Variants in USP7 observed in about 807,000 individuals in gnomAD.
USP7 encodes ubiquitin C-terminal hydrolase 7.
In USP7, 9 loss-of-function variants were observed where a neutral mutation model predicts 162.9. That is an observed-to-expected ratio of 0.06 (90% CI 0.03 to 0.10). The LOEUF (loss-of-function observed/expected upper bound fraction) is 0.10, where lower values mean the gene tolerates loss of function less well. USP7 is among the 10% of genes least tolerant of loss of function. The pLI is 1.00. For missense variants in USP7, 715 were observed against 1,373.7 expected, an observed-to-expected ratio of 0.52 and a Z score of 7.58; for synonymous variants, 562 against 475.9, an observed-to-expected ratio of 1.18 and a Z score of -2.35.
intron 5 of USP7, among the ~76,000 whole-genome samples, chr16:8,919,935 C>A (rs1897594119): frequency 6.6e-6 from 1 of 152,194 alleles, no homozygotes; most frequent in Admixed American, 6.5e-5. Flanking sequence ...CCTCTTTACT[C>A]CTCGCTCACC....
Position 8,929,413 on chromosome 16 carries a change from C to T in USP7, c.184+880G>A, listed in dbSNP as rs1175776857. The T allele has an allele frequency of 4.4e-5, 20 of 451,518 alleles. No homozygotes were observed. In the Admixed American group the frequency reaches 4.7e-4, roughly 11 times the overall value. 28.0% of individuals were successfully genotyped at this position (451,518 alleles called of 1,614,324 possible). A position where few individuals can be genotyped will look rare whatever the true frequency, so the allele number is the denominator to read the frequency against. On this transcript the variant is annotated intron_variant, in intron 2 of 30. Transcript: ENST00000344836. Reference sequence around the variant, plus strand: ...AGCCAGCTGCCAGGGGTAAACCGCACTGTGAGAGAACTCTCAACTACGGCT... The same window carrying T: ...AGCCAGCTGCCAGGGGTAAACCGCATTGTGAGAGAACTCTCAACTACGGCT...
In USP7 at chr16:8,959,159, T is replaced by C. The variant is rs553624216; in HGVS notation, c.79+4048A>G. 6.1e-4 allele frequency among the ~76,000 whole-genome samples: 93 copies of C among 152,298 alleles called. 1 individual carries two copies. The South Asian group carries it at 0.019, about 31-fold the overall frequency. ...TCACAACAACCTTGACGGGCATGAATGACCTCCTTTAAGGGATGGAGAAAC... is the reference window on the plus strand; with the variant it reads ...TCACAACAACCTTGACGGGCATGAACGACCTCCTTTAAGGGATGGAGAAAC... On this transcript the variant is annotated intron_variant, in intron 1 of 30. Transcript: ENST00000344836.
At chr16:8,925,950 C>G (rs1399694719) in intron 2 of USP7, among the ~76,000 whole-genome samples, 1 of 148,386 alleles carries the variant, frequency 6.7e-6, no homozygotes, top group Non-Finnish European at 1.5e-5. Flanking sequence ...GTCAGGAGAT[C>G]GAGACCATCC....
At chr16:8,916,831 A>G (rs954437695) in intron 7 of USP7, among the ~76,000 whole-genome samples, 195 bp downstream of exon 7, 1 of 152,232 alleles carries the variant, frequency 6.6e-6, no homozygotes, top group Admixed American at 6.5e-5. Flanking sequence ...GCAAAATTCT[A>G]CAACAAAGTG....
rs368803400 is a variant in USP7, at chr16:8,910,722, C to T, written c.1161+23G>A. On this transcript the variant is annotated intron_variant, in intron 11 of 30. Coordinates refer to ENST00000344836, the MANE Select transcript of USP7 (RefSeq NM_003470.3). ...TAAAGAAGAACGCTACAACAGGACA[C>T]TAGCACAAAACACTCAATTTACCTG... 5 of 1,607,722 alleles carry T rather than the reference C, an allele frequency of 3.1e-6. No homozygotes were observed. In the South Asian group the frequency reaches 3.3e-5, roughly 11 times the overall value.
At position 8,903,421 on chromosome 16, in the gene USP7, G is replaced by T; in HGVS notation, c.1705-19C>A. The stretch of plus-strand genomic sequence containing the variant: ...CGACTATCTGAAAATATGTATGAAA[G>T]CACAGAAAAGACTTGACAACTGACA... On this transcript the variant is annotated intron_variant, in intron 15 of 30. Transcript: ENST00000344836. 1 of 1,609,002 alleles carries T rather than the reference G, an allele frequency of 6.2e-7. No individual in the cohort carries two copies. Among genetic ancestry groups the T allele is most frequent in the Non-Finnish European group, 8.5e-7 (1 of 1,176,586 alleles).
chr16:8,912,798 G>A (rs551006544), intron 10 of USP7, among the ~76,000 whole-genome samples: 1 of 149,708 alleles, frequency 6.7e-6, no homozygotes, highest in East Asian at 2.0e-4. Context: ...AGAAAAAAAA[G>A]AAGAGATAAA....
chr16:8,901,658 T>G (rs1444184385), intron 18 of USP7, among the ~76,000 whole-genome samples: 1 of 152,220 alleles, frequency 6.6e-6, no homozygotes, highest in Non-Finnish European at 1.5e-5. Flanking sequence ...CCGATCCACC[T>G]GTTTTGTCGA....
In USP7 at chr16:8,929,886, TATC is replaced by T. The variant is rs201611793; in HGVS notation, c.184+404_184+406del. Among the ~76,000 whole-genome samples the T allele has an allele frequency of 4.5e-3, 688 of 152,284 alleles. 5 individuals carry two copies. Among genetic ancestry groups the T allele is most frequent in the African/African-American group, 0.016 (654 of 41,558 alleles). On this transcript the variant is annotated intron_variant, in intron 2 of 30. Coordinates refer to ENST00000344836, the MANE Select transcript of USP7 (RefSeq NM_003470.3). ...ACAGGAGCGGGGAGGGATTCATAGC[TATC>T]ATCAACTGATATACACCCTGCAATG...
rs757948670 is a variant in USP7 at position 8,903,297 on chromosome 16, C to T, written c.1810G>A (p.Glu604Lys). The T allele has an allele frequency of 6.8e-6, 11 of 1,614,040 alleles. No homozygotes were observed. The highest frequency in any genetic ancestry group is 9.3e-6 in the Non-Finnish European group (11 of 1,179,956). ...FKVLKNSSLAEFVQSLSQTMG... is the reference protein window; with the variant it reads ...FKVLKNSSLAKFVQSLSQTMG... ...GTCTGAGAGAGGCTCTGAACAAACT[C>T]AGCAAGCGAGGAGTTCTTCAATACT... Residue 604 changes from glutamate to lysine, a missense_variant, in exon 16 of 31, where the codon GAG (glutamate) becomes AAG (lysine). This residue lies in a region of USP7 where 197 missense variants were observed against 306.5 expected (regional missense o/e 0.64). Transcript: ENST00000344836.
intron 6 of USP7, among the ~76,000 whole-genome samples, chr16:8,918,044 C>G (rs1017197273): frequency 2.0e-5 from 3 of 152,130 alleles, no homozygotes; most frequent in Non-Finnish European, 4.4e-5. Context: ...CCCGCCTCGG[C>G]CTCCCAAAGT....
At chr16:8,905,060 T>A in intron 14 of USP7, 127 bp downstream of exon 14, 1 of 1,191,070 alleles carries the variant, frequency 8.4e-7, no homozygotes, top group South Asian at 1.4e-5. Context: ...TGCTCATTTC[T>A]GCGCTGCTGT....
intron 1 of USP7, among the ~76,000 whole-genome samples, chr16:8,941,712 C>T (rs1037611063): frequency 2.0e-4 from 30 of 152,148 alleles, no homozygotes; most frequent in Non-Finnish European, 4.0e-4. Flanking sequence ...ACGGGCAGAG[C>T]CAGGATCAGC....
intron 1 of USP7, among the ~76,000 whole-genome samples, chr16:8,950,751 G>A (rs937803139): frequency 3.3e-4 from 51 of 152,292 alleles, no homozygotes; most frequent in African/African-American, 9.9e-4. Context: ...TCCCACTGGC[G>A]AGGGACCCAA....
intron 1 of USP7, among the ~76,000 whole-genome samples, chr16:8,949,223 G>A (rs1204320115): frequency 6.6e-6 from 1 of 152,200 alleles, no homozygotes; most frequent in Non-Finnish European, 1.5e-5. Context: ...AAAAAGCACA[G>A]ATGCAAATCT....
rs955461040 is a variant in USP7 at position 8,918,072 on chromosome 16, G to A, written c.721-916C>T. ...CCCAAAGTGCTGGAATTACAGGCAT[G>A]AGCCACTGCGCCCAGCCATGGAGCA... On this transcript the variant is annotated intron_variant, in intron 6 of 30. Transcript: ENST00000344836. 5.9e-5 allele frequency among the ~76,000 whole-genome samples: 9 copies of A among 152,280 alleles called. No individual in the cohort carries two copies. The South Asian group carries it at 1.7e-3, about 28-fold the overall frequency.
intron 1 of USP7, chr16:8,936,752 T>C: frequency 7.4e-7 from 1 of 1,345,760 alleles, no homozygotes; most frequent in Non-Finnish European, 9.6e-7. Context: ...AGAAGCCTTG[T>C]CTTTAGGACC....
intron 2 of USP7, among the ~76,000 whole-genome samples, chr16:8,925,503 T>A (rs1348731439): frequency 2.0e-5 from 3 of 152,232 alleles, no homozygotes; most frequent in Non-Finnish European, 4.4e-5. Context: ...ATACATATTG[T>A]AAGTGCTTTT....
chr16:8,946,495 C>T lies in USP7; in HGVS notation c.80-16098G>A, dbSNP rs558158811. On this transcript the variant is annotated intron_variant, in intron 1 of 30. Coordinates refer to ENST00000344836, the MANE Select transcript of USP7 (RefSeq NM_003470.3). The stretch of plus-strand genomic sequence containing the variant: ...AAAGAAGCTGTTAAGTGAATACACA[C>T]GAGCTACAGACCAGCAGAAAATATC... Among the ~76,000 whole-genome samples the T allele has an allele frequency of 4.6e-5, 7 of 152,298 alleles. No individual in the cohort carries two copies. In the South Asian group the frequency reaches 8.3e-4, roughly 18 times the overall value.
Sources: gnomAD v4.1 joint callset for allele counts (sites outside exome capture counted in the v4.1 genomes callset) on GRCh38, gnomAD v4.1.1 for gene constraint, gnomAD v4.1.1 regional missense constraint, MANE v1.5 for transcripts, NCBI Gene and HGNC (gene_info 2026-07-23, HGNC 2026-07-21) for gene names.